Variants in EYS observed in about 807,000 individuals in gnomAD.
The protein encoded by EYS is EGF-like photoreceptor maintenance factor.
Under a neutral mutation model 282.1 loss-of-function variants are expected in EYS, and 250 were observed. That is an observed-to-expected ratio of 0.89 (90% CI 0.80 to 0.98). The LOEUF (loss-of-function observed/expected upper bound fraction) is 0.98, where lower values mean the gene tolerates loss of function less well. Ranked by LOEUF, EYS falls within the 50% of genes least tolerant of loss-of-function variation. EYS has a pLI of 0.00. For missense variants in EYS, 4,016 were observed against 3,709.0 expected (o/e 1.08, Z -2.15); for synonymous variants, 1,355 against 1,282.9 (o/e 1.06, Z -1.20).
At chr6:64,333,668 TG>T (rs1427737781) in intron 29 of EYS, among the ~76,000 whole-genome samples, 26 of 152,156 alleles carry the variant, frequency 1.7e-4, no homozygotes, top group Admixed American at 5.9e-4. Context: ...TCCTAGGACT[TG>T]GTATTCCTCT....
intron 33 of EYS, among the ~76,000 whole-genome samples, chr6:64,026,547 C>A (rs1269117747): frequency 1.3e-5 from 2 of 152,178 alleles, no homozygotes; most frequent in African/African-American, 4.8e-5. Context: ...TACTATCCTG[C>A]AGCTTGACCT....
intron 31 of EYS, among the ~76,000 whole-genome samples, chr6:64,178,551 T>C (rs1285642126): frequency 6.6e-6 from 1 of 152,024 alleles, no homozygotes; most frequent in African/African-American, 2.4e-5. Flanking sequence ...CGGGGGATGA[T>C]AGACTTTAGC....
At chr6:65,175,175 G>A (rs1765196132) in intron 12 of EYS, among the ~76,000 whole-genome samples, 1 of 151,292 alleles carries the variant, frequency 6.6e-6, no homozygotes. Context: ...AAAATAGTAG[G>A]TCAAGAAAAG....
At chr6:64,000,873 C>T (rs1403778855) in intron 33 of EYS, among the ~76,000 whole-genome samples, 3 of 152,086 alleles carry the variant, frequency 2.0e-5, no homozygotes, top group Admixed American at 1.3e-4. Flanking sequence ...TCTGGCCAGG[C>T]GCGGTGGCTC....
intron 19 of EYS, among the ~76,000 whole-genome samples, chr6:64,840,254 T>A (rs1031700574): frequency 1.3e-5 from 2 of 152,102 alleles, no homozygotes; most frequent in Admixed American, 6.6e-5. Flanking sequence ...ATTATTATTA[T>A]CTAGGAATGG....
intron 30 of EYS, among the ~76,000 whole-genome samples, chr6:64,292,656 CCT>C (rs1345597395): frequency 3.3e-5 from 5 of 151,786 alleles, no homozygotes; most frequent in African/African-American, 1.2e-4. Context: ...AAATATCTGA[CCT>C]CTTCTTTGTG....
chr6:63,740,526 T>C (rs1274635454), intron 41 of EYS, among the ~76,000 whole-genome samples: 1 of 152,200 alleles, frequency 6.6e-6, no homozygotes, highest in Non-Finnish European at 1.5e-5. Context: ...ACACTTTGCT[T>C]GAAGAGCTGA....
chr6:63,729,451 T>C (rs1167780827), intron 41 of EYS, among the ~76,000 whole-genome samples: 1 of 152,038 alleles, frequency 6.6e-6, no homozygotes, highest in Non-Finnish European at 1.5e-5. Flanking sequence ...TATAGTTTTT[T>C]ATTTTACATT....
At chr6:65,632,886 G>A (rs1183608593) in intron 2 of EYS, among the ~76,000 whole-genome samples, 2 of 152,122 alleles carry the variant, frequency 1.3e-5, no homozygotes, top group Non-Finnish European at 2.9e-5. Flanking sequence ...GAATTTCAGA[G>A]GATACTAGTA....
intron 1 of EYS, among the ~76,000 whole-genome samples, chr6:65,646,713 G>T (rs1186589428): frequency 1.3e-5 from 2 of 152,060 alleles, no homozygotes; most frequent in Non-Finnish European, 2.9e-5. Context: ...ATCCAATTTG[G>T]TAAAGAGGAA....
At chr6:64,418,768 G>A (rs1774136279) in intron 28 of EYS, among the ~76,000 whole-genome samples, 1 of 147,492 alleles carries the variant, frequency 6.8e-6, no homozygotes, top group Non-Finnish European at 1.5e-5. Context: ...ATTGAGGGAA[G>A]GTTCTGTCCC....
Position 64,639,603 on chromosome 6 carries a change from A to G in EYS, c.3444-13358T>C, listed in dbSNP as rs2149869302. ...AGACTTAAACGTTAGACCTAAAACCATAAAAACCCTAGAAGAAAACCTAGG... is the reference window on the plus strand; with the variant it reads ...AGACTTAAACGTTAGACCTAAAACCGTAAAAACCCTAGAAGAAAACCTAGG... On this transcript the variant is annotated intron_variant, in intron 22 of 42. Transcript: ENST00000503581. 2.2e-5 allele frequency among the ~76,000 whole-genome samples: 2 copies of G among 91,564 alleles called. 1 individual carries two copies. Among genetic ancestry groups the G allele is most frequent in the South Asian group, 9.1e-4 (2 of 2,206 alleles). The allele number at this position is 91,564 out of a possible 152,430, so 60.1% of individuals were successfully genotyped here. A position where few individuals can be genotyped will look rare whatever the true frequency, so the allele number is the denominator to read the frequency against.
chr6:65,582,171 G>C (rs971265106), intron 2 of EYS, among the ~76,000 whole-genome samples: 2 of 149,798 alleles, frequency 1.3e-5, no homozygotes, highest in African/African-American at 4.9e-5. Flanking sequence ...ACTCCAGCCT[G>C]GTCGACAGAG....
At chr6:64,091,075 A>G (rs1772342156) in intron 31 of EYS, among the ~76,000 whole-genome samples, 1 of 152,188 alleles carries the variant, frequency 6.6e-6, no homozygotes, top group Non-Finnish European at 1.5e-5. Flanking sequence ...ACCCCATGTG[A>G]TAGCCACACT....
chr6:64,873,700 A>C (rs1766661498), intron 19 of EYS, among the ~76,000 whole-genome samples: 1 of 151,338 alleles, frequency 6.6e-6, no homozygotes, highest in African/African-American at 2.4e-5. Context: ...TTCTCATTAC[A>C]AAAAAAATTA....
At chr6:64,588,989 A>G (rs576674903) in intron 26 of EYS, among the ~76,000 whole-genome samples, 3 of 152,170 alleles carry the variant, frequency 2.0e-5, no homozygotes, top group Admixed American at 2.0e-4. Flanking sequence ...ACTAATAATG[A>G]AGAATTTGTG....
intron 14 of EYS, among the ~76,000 whole-genome samples, chr6:64,995,311 T>A (rs984987342): frequency 6.6e-6 from 1 of 152,206 alleles, no homozygotes; most frequent in Non-Finnish European, 1.5e-5. Flanking sequence ...AGAATACACC[T>A]GGAAGACTGT....
intron 1 of EYS, among the ~76,000 whole-genome samples, chr6:65,704,789 C>T (rs151199921): frequency 2.1e-4 from 32 of 152,212 alleles, no homozygotes; most frequent in African/African-American, 5.1e-4. Flanking sequence ...ATGCACCAAA[C>T]CTTACACAGC....
At chr6:65,226,861 C>T (rs535374877) in intron 12 of EYS, among the ~76,000 whole-genome samples, 1 of 152,048 alleles carries the variant, frequency 6.6e-6, no homozygotes, top group Non-Finnish European at 1.5e-5. Context: ...AAGGTAGAAA[C>T]GCAGTCATCC....
Sources: gnomAD v4.1 joint callset for allele counts (sites outside exome capture counted in the v4.1 genomes callset) on GRCh38, gnomAD v4.1.1 for gene constraint, MANE v1.5 for transcripts, NCBI Gene and HGNC (gene_info 2026-07-23, HGNC 2026-07-21) for gene names.